Variants in TMTC2 observed in about 807,000 individuals in gnomAD.
The protein encoded by TMTC2 is transmembrane O-mannosyltransferase targeting cadherins 2, also known as protein O-mannosyl-transferase TMTC2.
Under a neutral mutation model 82.4 loss-of-function variants are expected in TMTC2, and 43 were observed. The observed-to-expected ratio is 0.52, with a 90% confidence interval of 0.41 to 0.67. The LOEUF (loss-of-function observed/expected upper bound fraction) is 0.67. Ranked by LOEUF, TMTC2 falls within the 30% of genes least tolerant of loss-of-function variation. The probability of loss-of-function intolerance (pLI) is 0.00; values close to 1 mark genes in which losing one functional copy is unlikely to be tolerated. For synonymous variants in TMTC2, 408 were observed against 381.9 expected, an observed-to-expected ratio of 1.07 and a Z score of -0.80; for missense variants, 919 against 1,012.4, an observed-to-expected ratio of 0.91 and a Z score of 1.25.
At chr12:82,797,969 T>C (rs1878801779) in intron 1 of TMTC2, among the ~76,000 whole-genome samples, 2 of 138,850 alleles carry the variant, frequency 1.4e-5, no homozygotes, top group East Asian at 2.2e-4. Flanking sequence ...GACGAGTCCC[T>C]CTCTGTCACC....
chr12:82,837,670 C>T (rs1870123959), intron 1 of TMTC2, among the ~76,000 whole-genome samples: 1 of 152,148 alleles, frequency 6.6e-6, no homozygotes, highest in Admixed American at 6.5e-5. Flanking sequence ...AAATCTCTTC[C>T]ATTCCGACAG....
chr12:82,942,184 A>T (rs893594845), intron 4 of TMTC2, among the ~76,000 whole-genome samples: 2 of 152,278 alleles, frequency 1.3e-5, no homozygotes, highest in African/African-American at 2.4e-5. Flanking sequence ...TGATAAGAGA[A>T]TATAATGAAT....
At chr12:82,732,686 A>G (rs1446649986) in intron 1 of TMTC2, among the ~76,000 whole-genome samples, 2 of 152,202 alleles carry the variant, frequency 1.3e-5, no homozygotes, top group African/African-American at 4.8e-5. Context: ...TGAATATGGT[A>G]GCTATAGAAA....
In TMTC2 at chr12:83,134,490, A is replaced by T. The variant is rs914485843; in HGVS notation, c.*2101A>T. Reference sequence around the variant, plus strand: ...CAGTTGAGGCACTTCTTGTGACACCAGTTCCCAAGTAGCGTTAATAATTGG... The same window carrying T: ...CAGTTGAGGCACTTCTTGTGACACCTGTTCCCAAGTAGCGTTAATAATTGG... On this transcript the variant is annotated 3_prime_UTR_variant, in exon 12 of 12. Transcript: ENST00000321196. The T allele has an allele frequency of 2.0e-5, 3 of 152,028 alleles. No individual in the cohort carries two copies. Among genetic ancestry groups the T allele is most frequent in the African/African-American group, 4.8e-5 (2 of 41,388 alleles). The allele number at this position is 152,028 out of a possible 1,614,324, so 9.4% of individuals were successfully genotyped here. A position where few individuals can be genotyped will look rare whatever the true frequency, so the allele number is the denominator to read the frequency against.
At chr12:82,716,537 T>C (rs1268297277) in intron 1 of TMTC2, among the ~76,000 whole-genome samples, 1 of 152,030 alleles carries the variant, frequency 6.6e-6, no homozygotes, top group East Asian at 1.9e-4. Flanking sequence ...CTAATTTTTG[T>C]ATTTTTAGTA....
At chr12:82,999,664 G>C (rs115472488) in intron 8 of TMTC2, among the ~76,000 whole-genome samples, 1 of 152,230 alleles carries the variant, frequency 6.6e-6, no homozygotes, top group South Asian at 2.1e-4. Flanking sequence ...GGAAACTCCC[G>C]TTTTTAAAAC....
intron 2 of TMTC2, among the ~76,000 whole-genome samples, chr12:82,880,932 C>G (rs1872789587): frequency 6.6e-6 from 1 of 152,078 alleles, no homozygotes; most frequent in Admixed American, 6.6e-5. Context: ...GGAGCTATGT[C>G]AGGCTGAAAG....
At chr12:82,763,773 G>T (rs2136984165) in intron 1 of TMTC2, among the ~76,000 whole-genome samples, 1 of 152,222 alleles carries the variant, frequency 6.6e-6, no homozygotes, top group African/African-American at 2.4e-5. Context: ...CTTTTAAAGA[G>T]AACCAAGCTA....
At chr12:82,724,401 G>T (rs866735743) in intron 1 of TMTC2, among the ~76,000 whole-genome samples, 16 of 152,254 alleles carry the variant, frequency 1.1e-4, no homozygotes, top group Middle Eastern at 3.4e-3. Context: ...GAACCTAGTG[G>T]GAGATGATTA....
intron 3 of TMTC2, among the ~76,000 whole-genome samples, chr12:82,899,832 A>G (rs1034846944): frequency 6.9e-6 from 1 of 145,366 alleles, no homozygotes; most frequent in African/African-American, 2.6e-5. Context: ...ATATAGGAAT[A>G]TATATACATA....
rs186173589 is a variant in TMTC2, at chr12:82,978,572, T to C, written c.1949-7353T>C. Among the ~76,000 whole-genome samples, 364 of 151,914 alleles carry C rather than the reference T, an allele frequency of 2.4e-3. 3 individuals carry two copies. The highest frequency in any genetic ancestry group is 8.4e-3 in the African/African-American group (347 of 41,540). ...GAATATACTTGATATAATTTAAGGTTTTTTTAGTTTTTCTAAGACTGCTTT... is the reference window on the plus strand; with the variant it reads ...GAATATACTTGATATAATTTAAGGTCTTTTTAGTTTTTCTAAGACTGCTTT... On this transcript the variant is annotated intron_variant, in intron 7 of 11. Transcript: ENST00000321196.
chr12:83,039,629 T>A (rs1298769418), intron 9 of TMTC2, among the ~76,000 whole-genome samples: 1 of 152,124 alleles, frequency 6.6e-6, no homozygotes, highest in African/African-American at 2.4e-5. Context: ...CATCAAGCAG[T>A]GACTTTGGAG....
At chr12:82,906,040 A>T (rs1380884603) in intron 3 of TMTC2, among the ~76,000 whole-genome samples, 1 of 152,104 alleles carries the variant, frequency 6.6e-6, no homozygotes, top group Non-Finnish European at 1.5e-5. Context: ...ATTCCTGCAA[A>T]ATTGGTGGTT....
chr12:82,869,179 A>G (rs1224932569), intron 2 of TMTC2, among the ~76,000 whole-genome samples: 1 of 152,124 alleles, frequency 6.6e-6, no homozygotes, highest in Non-Finnish European at 1.5e-5. Flanking sequence ...ATTCGTCATG[A>G]GTTTTCTTTG....
intron 11 of TMTC2, among the ~76,000 whole-genome samples, chr12:83,106,899 G>A (rs147410770): frequency 1.1e-3 from 169 of 152,168 alleles, no homozygotes; most frequent in Middle Eastern, 3.4e-3. Context: ...CATATACTTC[G>A]GATAGAATAA....
chr12:82,798,610 C>T (rs975488562), intron 1 of TMTC2, among the ~76,000 whole-genome samples: 3 of 151,254 alleles, frequency 2.0e-5, no homozygotes, highest in African/African-American at 4.9e-5. Flanking sequence ...GTTTTGAGAC[C>T]AGCCTGGCTA....
chr12:82,967,814 T>G (rs956285940), intron 7 of TMTC2, among the ~76,000 whole-genome samples: 1 of 152,148 alleles, frequency 6.6e-6, no homozygotes, highest in African/African-American at 2.4e-5. Flanking sequence ...AAATTTTCCC[T>G]TTTCATTAAA....
At chr12:82,947,084 C>G (rs548753209) in intron 4 of TMTC2, among the ~76,000 whole-genome samples, 5 of 152,064 alleles carry the variant, frequency 3.3e-5, no homozygotes, top group Non-Finnish European at 5.9e-5. Context: ...CTGGTTAGAA[C>G]AATCCAAGTT....
intron 1 of TMTC2, among the ~76,000 whole-genome samples, chr12:82,716,740 C>G (rs1473910943): frequency 6.6e-6 from 1 of 152,138 alleles, no homozygotes; most frequent in South Asian, 2.1e-4. Flanking sequence ...ATCACCGAAT[C>G]TAAGTAATGT....
Sources: gnomAD v4.1 joint callset for allele counts (sites outside exome capture counted in the v4.1 genomes callset) on GRCh38, gnomAD v4.1.1 for gene constraint, MANE v1.5 for transcripts, NCBI Gene and HGNC (gene_info 2026-07-23, HGNC 2026-07-21) for gene names.